The following XPNPEP3 variants were observed in gnomAD, a reference collection of about 807,000 sequenced individuals.
XPNPEP3 encodes the protein X-prolyl aminopeptidase 3.
Under a neutral mutation model 60.0 loss-of-function variants are expected in XPNPEP3, and 41 were observed. The observed-to-expected ratio is 0.68, with a 90% CI of 0.53 to 0.89. The LOEUF (loss-of-function observed/expected upper bound fraction) is 0.89. Among genes scored for constraint, XPNPEP3 ranks in the 40% least tolerant of loss-of-function variants. The probability of loss-of-function intolerance (pLI) is 0.00; values close to 1 mark genes in which losing one functional copy is unlikely to be tolerated. For missense variants in XPNPEP3, 598 were observed against 638.9 expected (o/e 0.94, Z 0.69); for synonymous variants, 212 against 223.2 (o/e 0.95, Z 0.45).
chr22:40,895,219 T>A (rs748823097), intron 4 of XPNPEP3, among the ~76,000 whole-genome samples: 7 of 152,282 alleles, frequency 4.6e-5, no homozygotes, highest in Non-Finnish European at 8.8e-5. Context: ...TTCACATAGA[T>A]CCCCTGGTAG....
intron 4 of XPNPEP3, among the ~76,000 whole-genome samples, chr22:40,887,655 C>T (rs1004327704): frequency 7.2e-5 from 11 of 152,112 alleles, no homozygotes; most frequent in African/African-American, 2.2e-4. Context: ...AGAGCTTTAA[C>T]ACATTAATTC....
chr22:40,901,774 C>T (rs2058134317), intron 4 of XPNPEP3, among the ~76,000 whole-genome samples: 1 of 152,092 alleles, frequency 6.6e-6, no homozygotes, highest in Admixed American at 6.6e-5. Context: ...TATATGACTC[C>T]ATTTATATGA....
chr22:40,875,234 G>A (rs575638729), intron 2 of XPNPEP3, among the ~76,000 whole-genome samples: 147 of 152,006 alleles, frequency 9.7e-4, no homozygotes, highest in African/African-American at 3.4e-3. Context: ...AAACTGCAGC[G>A]GCATGATCAT....
At chr22:40,905,974 G>A (rs2058153591) in intron 4 of XPNPEP3, among the ~76,000 whole-genome samples, 1 of 152,016 alleles carries the variant, frequency 6.6e-6, no homozygotes, top group Non-Finnish European at 1.5e-5. Flanking sequence ...TGTATTTTTA[G>A]TAGAGATGGG....
chr22:40,859,858 G>A (rs1462541526), intron 1 of XPNPEP3: 3 of 152,044 alleles, frequency 2.0e-5, no homozygotes, highest in African/African-American at 7.3e-5. Flanking sequence ...CTCCCAACAT[G>A]ACTAAATTAA....
At chr22:40,858,522 C>CT (rs34319696) in intron 1 of XPNPEP3, among the ~76,000 whole-genome samples, 4,312 of 85,388 alleles carry the variant, frequency 0.05, 108 homozygotes, top group African/African-American at 0.069. Flanking sequence ...GCTGGAGAAG[C>CT]TTTTTTTTTT....
intron 1 of XPNPEP3, chr22:40,860,715 T>C (rs1169864223): frequency 2.0e-6 from 2 of 989,072 alleles, no homozygotes; most frequent in East Asian, 5.3e-5. Flanking sequence ...TGCAGTGGCG[T>C]GATCCCATTA....
At chr22:40,860,627 TA>T (rs977756771) in intron 1 of XPNPEP3, 1 of 1,300,800 alleles carries the variant, frequency 7.7e-7, no homozygotes, top group Non-Finnish European at 1.0e-6. Context: ...AATTCAAAAG[TA>T]AAAAACTCAT....
chr22:40,861,494 G>A, intron 1 of XPNPEP3: 2 of 1,614,090 alleles, frequency 1.2e-6, no homozygotes, highest in South Asian at 1.1e-5. Context: ...AAGAAGTAAG[G>A]CCTTCATGCC....
chr22:40,861,389 C>A (rs61756762), intron 1 of XPNPEP3: 26,519 of 1,613,614 alleles, frequency 0.016, 324 homozygotes, highest in South Asian at 0.026. Flanking sequence ...CAATAATTTT[C>A]TTTGTATTAA....
chr22:40,915,939 A>G (rs1461708497), intron 7 of XPNPEP3, among the ~76,000 whole-genome samples: 6 of 152,150 alleles, frequency 3.9e-5, no homozygotes, highest in African/African-American at 1.4e-4. Context: ...CAAGTTAACA[A>G]AATTTCTAGA....
intron 7 of XPNPEP3, among the ~76,000 whole-genome samples, chr22:40,921,061 G>A (rs546291593): frequency 2.0e-5 from 3 of 152,260 alleles, no homozygotes; most frequent in South Asian, 4.1e-4. Flanking sequence ...CAAAGTGTTG[G>A]GATTACAGGC....
At chr22:40,903,187 G>A (rs2058141473) in intron 4 of XPNPEP3, among the ~76,000 whole-genome samples, 1 of 152,164 alleles carries the variant, frequency 6.6e-6, no homozygotes, top group African/African-American at 2.4e-5. Context: ...AACTTTAGCA[G>A]AACAGCTCAG....
intron 8 of XPNPEP3, among the ~76,000 whole-genome samples, chr22:40,923,985 T>G (rs902784646): frequency 1.3e-5 from 2 of 152,212 alleles, no homozygotes; most frequent in African/African-American, 4.8e-5. Context: ...GAAAGAGAAC[T>G]GTGATAATAG....
chr22:40,857,285 C>A, intron 1 of XPNPEP3, 40 bp downstream of exon 1: 1 of 1,610,496 alleles, frequency 6.2e-7, no homozygotes, highest in Non-Finnish European at 8.5e-7. Flanking sequence ...ATGGTGTCCC[C>A]TGGAGGGACC....
chr22:40,908,252 G>T (rs1336694348), intron 5 of XPNPEP3, among the ~76,000 whole-genome samples: 1 of 151,758 alleles, frequency 6.6e-6, no homozygotes, highest in African/African-American at 2.4e-5. Flanking sequence ...AGGCGTGCTG[G>T]CACATGCCTG....
At position 40,912,585 on chromosome 22, in the gene XPNPEP3, G is replaced by A. The variant is rs138172701; in HGVS notation, c.970-1654G>A. Among the ~76,000 whole-genome samples, 576 of 152,138 alleles carry A rather than the reference G, an allele frequency of 3.8e-3. 2 individuals carry two copies. Among genetic ancestry groups the A allele is most frequent in the African/African-American group, 0.012 (515 of 41,506 alleles). ...TTTCTTTAAAAAGTAAACATACAGG[G>A]CCAGGCATCCCAGTGTCTCATGCCT... On this transcript the variant is annotated intron_variant, in intron 6 of 9. Coordinates refer to ENST00000357137, the MANE Select transcript of XPNPEP3 (RefSeq NM_022098.4).
chr22:40,905,853 C>T (rs1462818317), intron 4 of XPNPEP3, among the ~76,000 whole-genome samples: 4 of 151,990 alleles, frequency 2.6e-5, no homozygotes, highest in Non-Finnish European at 5.9e-5. Context: ...AGTGCAGTGG[C>T]ACGATCTCGG....
At chr22:40,909,713 C>T (rs927276169) in intron 6 of XPNPEP3, among the ~76,000 whole-genome samples, 3 of 151,758 alleles carry the variant, frequency 2.0e-5, no homozygotes, top group African/African-American at 7.3e-5. Context: ...TGTAGTGAGC[C>T]GAGATCACAC....
Sources: allele counts gnomAD v4.1 joint callset (sites outside exome capture counted in the v4.1 genomes callset), GRCh38; gene constraint gnomAD v4.1.1; transcripts MANE v1.5; gene names NCBI Gene and HGNC (gene_info 2026-07-23, HGNC 2026-07-21).